The following CLIP4 variants were observed in gnomAD, a reference collection of about 807,000 sequenced individuals.
CLIP4 encodes CAP-Gly domain containing linker protein family member 4.
Under a neutral mutation model 73.1 loss-of-function variants are expected in CLIP4, and 47 were observed. That is an observed-to-expected ratio of 0.64 (90% CI 0.51 to 0.82). The LOEUF (loss-of-function observed/expected upper bound fraction) is 0.82. CLIP4 is among the 40% of genes least tolerant of loss of function. The probability of loss-of-function intolerance (pLI) is 0.00; values close to 1 mark genes in which losing one functional copy is unlikely to be tolerated. For synonymous variants in CLIP4, 306 were observed against 295.4 expected (o/e 1.04, Z -0.37); for missense variants, 874 against 852.9 (o/e 1.02, Z -0.31).
intron 1 of CLIP4, among the ~76,000 whole-genome samples, chr2:29,101,198 G>A (rs1215528386): frequency 6.7e-6 from 1 of 149,962 alleles, no homozygotes; most frequent in East Asian, 2.0e-4. Flanking sequence ...GCTGAGGCAA[G>A]AGAATCACTT....
At chr2:29,148,338 A>G (rs1400357386) in intron 8 of CLIP4, among the ~76,000 whole-genome samples, 1 of 152,198 alleles carries the variant, frequency 6.6e-6, no homozygotes, top group Non-Finnish European at 1.5e-5. Context: ...TGCTTTTATT[A>G]TAGATTAAGT....
At chr2:29,154,087 A>G (rs959414491) in intron 9 of CLIP4, among the ~76,000 whole-genome samples, 4 of 152,196 alleles carry the variant, frequency 2.6e-5, no homozygotes, top group Non-Finnish European at 4.4e-5. Context: ...CCCTTTGAAA[A>G]TATCCCAACA....
intron 8 of CLIP4, among the ~76,000 whole-genome samples, chr2:29,149,475 G>A (rs73920707): frequency 1.8e-3 from 268 of 147,966 alleles, no homozygotes; most frequent in African/African-American, 6.5e-3. Context: ...AGTGGGGGTT[G>A]GAGAAGAAGA....
chr2:29,148,810 G>A (rs11691803), intron 8 of CLIP4, among the ~76,000 whole-genome samples: 1 of 152,176 alleles, frequency 6.6e-6, no homozygotes. Context: ...ACCCAATGTA[G>A]CAGTTTGTTG....
At chr2:29,157,001 T>G (rs1157484130) in intron 10 of CLIP4, among the ~76,000 whole-genome samples, 2 of 152,196 alleles carry the variant, frequency 1.3e-5, no homozygotes, top group Non-Finnish European at 2.9e-5. Flanking sequence ...TGGGAATCCT[T>G]AAAATATTAT....
intron 1 of CLIP4, among the ~76,000 whole-genome samples, chr2:29,106,590 CAG>C (rs1355616166): frequency 2.6e-5 from 4 of 152,130 alleles, no homozygotes; most frequent in African/African-American, 4.8e-5. Context: ...GCTAGGGTTG[CAG>C]AGAGAGGTGA....
chr2:29,102,413 C>A (rs1294523882), intron 1 of CLIP4, among the ~76,000 whole-genome samples: 1 of 152,110 alleles, frequency 6.6e-6, no homozygotes, highest in Admixed American at 6.5e-5. Context: ...GGTATCCGCC[C>A]CTTCTCTGTT....
chr2:29,129,671 A>G (rs903898945), intron 2 of CLIP4, among the ~76,000 whole-genome samples: 14 of 151,802 alleles, frequency 9.2e-5, no homozygotes, highest in Non-Finnish European at 1.8e-4. Flanking sequence ...GCTTTTAGAG[A>G]AGCTATTTTT....
At chr2:29,170,812 C>T (rs1352188347) in intron 14 of CLIP4, among the ~76,000 whole-genome samples, 2 of 151,436 alleles carry the variant, frequency 1.3e-5, no homozygotes, top group African/African-American at 4.9e-5. Flanking sequence ...TTTTTTTTCA[C>T]ATGTGAATGT....
At chr2:29,140,631 T>A (rs1665697280) in intron 6 of CLIP4, among the ~76,000 whole-genome samples, 1 of 152,146 alleles carries the variant, frequency 6.6e-6, no homozygotes, top group African/African-American at 2.4e-5. Context: ...TATTTCTAGT[T>A]CTAGATCCCT....
intron 14 of CLIP4, among the ~76,000 whole-genome samples, chr2:29,169,318 G>A (rs532030451): frequency 4.2e-5 from 6 of 144,422 alleles, no homozygotes; most frequent in South Asian, 4.6e-4. Context: ...GTTTTCATGC[G>A]GTCTTTTTCA....
At chr2:29,114,241 A>T (rs1418580129), upstream of CLIP4, 1 of 152,292 alleles carries the variant, frequency 6.6e-6, no homozygotes, top group African/African-American at 2.4e-5. Flanking sequence ...CCACCCACTC[A>T]TTCCTGATAA....
chr2:29,133,222 T>C (rs543935204), intron 4 of CLIP4, among the ~76,000 whole-genome samples: 5 of 152,140 alleles, frequency 3.3e-5, no homozygotes, highest in Non-Finnish European at 7.4e-5. Flanking sequence ...TAAGACTACA[T>C]TTCAGTTAAC....
intron 6 of CLIP4, among the ~76,000 whole-genome samples, chr2:29,143,502 G>A (rs998994587): frequency 6.6e-6 from 1 of 150,532 alleles, no homozygotes; most frequent in African/African-American, 2.4e-5. Flanking sequence ...AGAATGTAAT[G>A]TTCCTTGAGG....
intron 1 of CLIP4, among the ~76,000 whole-genome samples, chr2:29,120,417 A>G (rs73922969): frequency 0.012 from 1,801 of 152,272 alleles, 47 homozygotes; most frequent in African/African-American, 0.041. Context: ...GGGTTGGTTA[A>G]GTAGAACAGA....
chr2:29,104,112 A>G (rs945740613), intron 1 of CLIP4, among the ~76,000 whole-genome samples: 9 of 151,914 alleles, frequency 5.9e-5, no homozygotes, highest in African/African-American at 2.2e-4. Flanking sequence ...CTTACTTCTC[A>G]TTTTTCATGG....
At chr2:29,141,578 C>G (rs1334616639) in intron 6 of CLIP4, among the ~76,000 whole-genome samples, 1 of 152,144 alleles carries the variant, frequency 6.6e-6, no homozygotes, top group Non-Finnish European at 1.5e-5. Context: ...TATGTAATGC[C>G]CTACTTTGTC....
In CLIP4 at chr2:29,099,723, T is replaced by C. The variant is rs137946143; in HGVS notation, c.-16+1776T>C. Among the ~76,000 whole-genome samples the C allele has an allele frequency of 1.8e-4, 28 of 152,324 alleles. No homozygotes were observed. The East Asian group carries it at 5.0e-3, about 27-fold the overall frequency. On this transcript the variant is annotated intron_variant, in intron 1 of 14. Coordinates refer to the CLIP4 transcript ENST00000401605. ...ACTTCAGAATCAGTTTGTCAACATG[T>C]ACAAAATAATTTGCTGGAATTTTGA... is the stretch of plus-strand genomic sequence containing the variant.
rs1491431616 is a variant in CLIP4 at position 29,107,356 on chromosome 2, TAG to T, written c.-16+9410_-16+9411del. ...TGATTTCTAAATTCCTGGAACATGA[TAG>T]TTTTTTTTTTTTTTTTTTTTTTTTT... On this transcript the variant is annotated intron_variant, in intron 1 of 14. Transcript: ENST00000401605. Among the ~76,000 whole-genome samples, 251 of 121,188 alleles carry T rather than the reference TAG, an allele frequency of 2.1e-3. 1 individual carries two copies. Among genetic ancestry groups the T allele is most frequent in the African/African-American group, 8.0e-3 (235 of 29,328 alleles). 79.5% of individuals were successfully genotyped at this position (121,188 alleles called of 152,430 possible). A position where few individuals can be genotyped will look rare whatever the true frequency, so the allele number is the denominator to read the frequency against.
Sources: allele counts gnomAD v4.1 joint callset (sites outside exome capture counted in the v4.1 genomes callset), GRCh38; gene constraint gnomAD v4.1.1; transcripts MANE v1.5; gene names NCBI Gene and HGNC (gene_info 2026-07-23, HGNC 2026-07-21).